The following ITGB4 variants were observed in gnomAD, a reference collection of about 807,000 sequenced individuals.
ITGB4 encodes the protein integrin subunit beta 4.
Under a neutral mutation model 207.6 loss-of-function variants are expected in ITGB4, and 159 were observed. The ratio of observed to expected loss-of-function variants is 0.77; its 90% CI spans 0.67 to 0.87. The LOEUF is 0.87. Among genes scored for constraint, ITGB4 ranks in the 40% least tolerant of loss-of-function variants. The probability of loss-of-function intolerance (pLI) is 0.00; values close to 1 mark genes in which losing one functional copy is unlikely to be tolerated. For synonymous variants in ITGB4, 1,020 were observed against 1,062.7 expected (o/e 0.96, Z 0.78); for missense variants, 2,278 against 2,546.8 (o/e 0.89, Z 2.27).
chr17:75,755,715 G>T lies in ITGB4; in HGVS notation c.4573G>T (p.Ala1525Ser). ...CCTGTCCCCAGACTCTCGCCTGACT[G>T]CTGGTGTGCCCGACACGCCCACCCG... ...SVSSHDSRLT[A>S]GVPDTPTRLV... The change falls in exon 35 of 40, where the codon GCT becomes TCT. Residue 1525 changes from alanine (A) to serine (S), a missense_variant. Transcript: ENST00000200181. The T allele has an allele frequency of 6.2e-7, 1 of 1,612,904 alleles. No individual in the cohort carries two copies. The highest frequency in any genetic ancestry group is 2.2e-5 in the East Asian group (1 of 44,862).
In ITGB4 at chr17:75,750,666, G is replaced by A. The variant is rs1347129144; in HGVS notation, c.3475-14G>A. 13 of 1,612,384 alleles carry A rather than the reference G, an allele frequency of 8.1e-6. No homozygotes were observed. The highest frequency in any genetic ancestry group is 1.1e-5 in the Non-Finnish European group (13 of 1,179,772). ...CTGCTCCCTGCTGACCAGGACCCCT[G>A]TCCCTGGGGGTAGGTAAAGTACTGG... is the stretch of plus-strand genomic sequence containing the variant. On this transcript the variant is annotated splice_polypyrimidine_tract_variant and intron_variant, in intron 28 of 39. Coordinates refer to ENST00000200181, the MANE Select transcript of ITGB4 (RefSeq NM_000213.5). This position sits in a 1 kb window ranked among gnomAD's most constrained non-coding sequence, Gnocchi z 5.5.
In ITGB4 at chr17:75,742,476, C is replaced by A; in HGVS notation, c.2769C>A (p.Leu923=). ...DLKVAPGYYT[L]TADQDARGMV... ...AGGTGGCCCCCGGCTACTACACCCT[C>A]ACTGCAGACCAGGGTAGGAGGGCGG... Residue 923 remains leucine (L), a synonymous_variant, in exon 24 of 40, where the codon CTC becomes CTA. Coordinates refer to ENST00000200181, the MANE Select transcript of ITGB4 (RefSeq NM_000213.5). The surrounding 1 kb of genome is among the most constrained non-coding windows in gnomAD (Gnocchi z 5.9). 1.2e-6 allele frequency: 2 copies of A among 1,613,120 alleles called. No individual in the cohort carries two copies.
Position 75,753,832 on chromosome 17 carries a change from G to T in ITGB4, c.4176G>T (p.Leu1392=). Residue 1392 remains leucine, a synonymous_variant, in exon 33 of 40, where the codon CTG becomes CTT. Transcript: ENST00000200181. ...ELDLRRVTWR[L]PPELIPRLSA... ...ACCTGCGGCGCGTCACGTGGCGGCT[G>T]CCCCCGGAGCTCATCCCGCGCCTGT... The T allele has an allele frequency of 6.9e-7, 1 of 1,444,490 alleles. No homozygotes were observed. The highest frequency in any genetic ancestry group is 9.1e-7 in the Non-Finnish European group (1 of 1,098,588). 89.5% of individuals were successfully genotyped at this position (1,444,490 alleles called of 1,614,324 possible). A position where few individuals can be genotyped will look rare whatever the true frequency, so the allele number is the denominator to read the frequency against.
At chr17:75,755,945 C>T in intron 35 of ITGB4, 95 bp downstream of exon 35, 1 of 1,451,460 alleles carries the variant, frequency 6.9e-7, no homozygotes, top group Non-Finnish European at 9.4e-7. Context: ...CAGGAACCCA[C>T]CCAAGTCCCT....
intron 13 of ITGB4, among the ~76,000 whole-genome samples, chr17:75,734,134 T>C (rs1231534592): frequency 7.1e-6 from 1 of 140,098 alleles, no homozygotes; most frequent in Non-Finnish European, 1.5e-5. Flanking sequence ...GCTGTTTTTT[T>C]TTTTTTTTTT....
At position 75,757,006 on chromosome 17, in the gene ITGB4, TCAG is replaced by T; in HGVS notation, c.5119_5121del (p.Ser1707del). The T allele has an allele frequency of 6.2e-7, 1 of 1,611,784 alleles. No individual in the cohort carries two copies. The highest frequency in any genetic ancestry group is 1.1e-5 in the South Asian group (1 of 91,040). ...GAGAGCCGGCTGACCGTGCCGGGCC[TCAG>T]CGAGAACGTGCCCTACAAGTTCAAG... On this transcript the variant is annotated inframe_deletion, in exon 38 of 40. Transcript: ENST00000200181.
At chr17:75,745,981 G>A (rs775126366) in intron 26 of ITGB4, among the ~76,000 whole-genome samples, 1 of 152,194 alleles carries the variant, frequency 6.6e-6, no homozygotes, top group African/African-American at 2.4e-5. Flanking sequence ...CAGCAGGCCC[G>A]GGCTGCCTGG....
rs1340570435 is a variant in ITGB4, at chr17:75,736,071, G to T, written c.1678G>T (p.Gly560Cys). 2 of 1,614,092 alleles carry T rather than the reference G, an allele frequency of 1.2e-6. No individual in the cohort carries two copies. The highest frequency in any genetic ancestry group is 3.3e-5 in the Admixed American group (2 of 60,018). Reference protein sequence around the residue: ...LCNDRGRCSMGQCVCEPGWTG... With the variant: ...LCNDRGRCSMCQCVCEPGWTG... ...TGCAGACCGAGGACGCTGCTCCATG[G>T]GCCAGTGTGTGTGTGAGCCTGGTTG... is the stretch of plus-strand genomic sequence containing the variant. Residue 560 changes from glycine to cysteine, a missense_variant, in exon 14 of 40, where the codon GGC (glycine) becomes TGC (cysteine). Transcript: ENST00000200181.
At position 75,757,042 on chromosome 17, in the gene ITGB4, C is replaced by T. The variant is rs747714557; in HGVS notation, c.5153C>T (p.Ala1718Val). 2 of 1,612,994 alleles carry T rather than the reference C, an allele frequency of 1.2e-6. No individual in the cohort carries two copies. Among genetic ancestry groups the T allele is most frequent in the African/African-American group, 1.3e-5 (1 of 75,026 alleles). Residue 1718 changes from alanine to valine, a missense_variant, in exon 38 of 40, where the codon GCC (alanine) becomes GTC (valine). Ala to Val is a moderately conservative substitution (Grantham distance 64). Transcript: ENST00000200181. ...ENVPYKFKVQ[A>V]RTTEGFGPER... ...GTGCCCTACAAGTTCAAGGTGCAGG[C>T]CAGGACCACTGAGGGCTTCGGGCCA... is the stretch of plus-strand genomic sequence containing the variant.
rs1568377487 is a variant in ITGB4, at chr17:75,750,726, T to G, written c.3521T>G (p.Leu1174Arg). The change falls in exon 29 of 40, where the codon CTC (leucine) becomes CGC (arginine). Residue 1174 changes from leucine (L) to arginine (R), a missense_variant. Coordinates refer to ENST00000200181, the MANE Select transcript of ITGB4 (RefSeq NM_000213.5). The surrounding 1 kb of genome is among the most constrained non-coding windows in gnomAD (Gnocchi z 5.5). The part of the protein sequence containing the change: ...QGDSESEAHL[L>R]DSKVPSVELT... ...GACTCCGAATCCGAAGCCCACCTGC[T>G]CGACAGCAAGGTGCCCTCAGTGGAG... 1 of 1,613,488 alleles carries G rather than the reference T, an allele frequency of 6.2e-7. No individual in the cohort carries two copies. Among genetic ancestry groups the G allele is most frequent in the East Asian group, 2.2e-5 (1 of 44,882 alleles).
At chr17:75,737,746 A>G in intron 18 of ITGB4, 102 bp downstream of exon 18, 2 of 957,250 alleles carry the variant, frequency 2.1e-6, no homozygotes, top group South Asian at 1.4e-5. Flanking sequence ...CTGAGTTCTC[A>G]TCTCCCCAGG....
intron 27 of ITGB4, among the ~76,000 whole-genome samples, chr17:75,749,422 G>A (rs771890019): frequency 7.9e-5 from 12 of 152,174 alleles, no homozygotes; most frequent in Non-Finnish European, 1.3e-4. Flanking sequence ...CAGCTATTCC[G>A]GAGACTGAGG....
At chr17:75,735,238 C>A (rs1333403400) in intron 13 of ITGB4, among the ~76,000 whole-genome samples, 6 of 151,800 alleles carry the variant, frequency 4.0e-5, no homozygotes, top group Admixed American at 3.9e-4. Flanking sequence ...CAGGGGCCCA[C>A]CACCAAGCCC....
rs1451496057 is a variant in ITGB4, at chr17:75,755,763, C to A, written c.4621C>A (p.Pro1541Thr). ...PTRLVFSALG[P>T]TSLRVSWQEP... The stretch of plus-strand genomic sequence containing the variant: ...CCGCCTGGTGTTCTCTGCCCTGGGG[C>A]CCACATCTCTCAGAGTGAGCTGGCA... Residue 1541 changes from proline (P) to threonine (T), a missense_variant, in exon 35 of 40, where the codon CCC becomes ACC. Coordinates refer to ENST00000200181, the MANE Select transcript of ITGB4 (RefSeq NM_000213.5). 3.6e-5 allele frequency: 58 copies of A among 1,612,684 alleles called. No individual in the cohort carries two copies. The highest frequency in any genetic ancestry group is 4.7e-5 in the Non-Finnish European group (55 of 1,179,976).
chr17:75,748,971 T>C lies in ITGB4; in HGVS notation c.3242T>C (p.Val1081Ala), dbSNP rs961824513. The change falls in exon 27 of 40, where the codon GTC becomes GCC. Residue 1081 changes from valine to alanine, a missense_variant. Val to Ala is a moderately conservative substitution (Grantham distance 64, BLOSUM62 0). Coordinates refer to ENST00000200181, the MANE Select transcript of ITGB4 (RefSeq NM_000213.5). The part of the protein sequence containing the change: ...LRGRQVRRFH[V>A]QLSNPKFGAH... ...GGCCGCCAGGTCCGCCGTTTCCACG[T>C]CCAGCTCAGCAACCCTAAGTTTGGG... 1.2e-6 allele frequency: 2 copies of C among 1,613,446 alleles called. No homozygotes were observed. Among genetic ancestry groups the C allele is most frequent in the Non-Finnish European group, 1.7e-6 (2 of 1,180,012 alleles).
intron 26 of ITGB4, 75 bp from the exon 27 acceptor site, chr17:75,748,766 G>A (rs2061292923): frequency 1.8e-6 from 2 of 1,095,982 alleles, no homozygotes; most frequent in Non-Finnish European, 2.7e-6. Context: ...CCATGAGGTT[G>A]GGAGGGAGCG....
rs745444777 is a variant in ITGB4 at position 75,727,818 on chromosome 17, T to C, written c.432T>C (p.Asp144=). The change falls in exon 5 of 40, where the codon GAT becomes GAC. Residue 144 remains aspartate (D), a synonymous_variant. Transcript: ENST00000200181. The surrounding 1 kb of genome is among the most constrained non-coding windows in gnomAD (Gnocchi z 6.0). ...ILMDFSNSMS[D]DLDNLKKMGQ... The stretch of plus-strand genomic sequence containing the variant: ...TGGACTTCTCCAACTCCATGTCCGA[T>C]GATCTGGACAACCTCAAGAAGATGG... The C allele has an allele frequency of 1.9e-6, 3 of 1,613,956 alleles. No individual in the cohort carries two copies. The highest frequency in any genetic ancestry group is 1.7e-5 in the Admixed American group (1 of 60,010).
intron 25 of ITGB4, among the ~76,000 whole-genome samples, chr17:75,743,327 G>C (rs1290435517): frequency 2.0e-5 from 3 of 152,186 alleles, no homozygotes; most frequent in Non-Finnish European, 4.4e-5. Context: ...CTGCCTCCCA[G>C]GTTGAAGTGA....
At chr17:75,747,918 G>GT (rs1288308533) in intron 26 of ITGB4, among the ~76,000 whole-genome samples, 2 of 152,298 alleles carry the variant, frequency 1.3e-5, no homozygotes, top group South Asian at 4.1e-4. Context: ...CACTTTCTGA[G>GT]TTGGGTGGCA....
Sources: gnomAD v4.1 joint callset for allele counts (sites outside exome capture counted in the v4.1 genomes callset) on GRCh38, gnomAD v4.1.1 for gene constraint, Gnocchi (gnomAD v3.1) non-coding constraint, MANE v1.5 for transcripts, NCBI Gene and HGNC (gene_info 2026-07-23, HGNC 2026-07-21) for gene names.